PLEKHG4B: variants seen among roughly 807,000 people sequenced by gnomAD.
PLEKHG4B encodes the protein pleckstrin homology domain-containing family G member 4B.
In PLEKHG4B, 111 loss-of-function variants were observed where a neutral mutation model predicts 121.3. The observed-to-expected ratio is 0.92, with a 90% CI of 0.78 to 1.07. The LOEUF (loss-of-function observed/expected upper bound fraction) is 1.07. PLEKHG4B is among the 50% of genes least tolerant of loss of function. PLEKHG4B has a pLI of 0.00. For synonymous variants in PLEKHG4B, 738 were observed against 725.0 expected (o/e 1.02, Z -0.29); for missense variants, 1,831 against 1,757.8 (o/e 1.04, Z -0.74).
Position 144,830 on chromosome 5 carries a change from A to G in PLEKHG4B, c.1815A>G (p.Lys605=). Residue 605 remains lysine (K), a synonymous_variant, in exon 6 of 20, where the codon AAA becomes AAG. Transcript: ENST00000637938. ...TGGGCTGTCTTTCCCTCCCCAGGAA[A>G]GAGGTCCGGGACCTGGGGCTGGTTG... The part of the protein sequence containing the change: ...LLLYFHSIPR[K]EVRDLGLVVL... 1 of 1,612,938 alleles carries G rather than the reference A, an allele frequency of 6.2e-7. No individual in the cohort carries two copies. Among genetic ancestry groups the G allele is most frequent in the South Asian group, 1.1e-5 (1 of 91,046 alleles).
intron 13 of PLEKHG4B, among the ~76,000 whole-genome samples, chr5:167,843 C>T (rs1261765638): frequency 1.3e-5 from 2 of 152,242 alleles, no homozygotes; most frequent in African/African-American, 4.8e-5. Flanking sequence ...GCCTAAGCGT[C>T]CTGCATTTGT....
At chr5:173,161 G>A in intron 17 of PLEKHG4B, 94 bp downstream of exon 17, 2 of 1,280,610 alleles carry the variant, frequency 1.6e-6, no homozygotes, top group Middle Eastern at 2.3e-4. Flanking sequence ...CAGAGGAACT[G>A]GGAGGGAGTG....
intron 18 of PLEKHG4B, among the ~76,000 whole-genome samples, chr5:178,051 G>GT (rs1194604441): frequency 6.6e-6 from 1 of 152,116 alleles, no homozygotes; most frequent in African/African-American, 2.4e-5. Flanking sequence ...TTGGGGGAAC[G>GT]TGAGGATGCC....
chr5:93,193 A>G (rs1007779769), intron 1 of PLEKHG4B, among the ~76,000 whole-genome samples: 3 of 152,188 alleles, frequency 2.0e-5, no homozygotes, highest in African/African-American at 7.2e-5. Flanking sequence ...GATACTTTTG[A>G]CTGAGCCTTA....
intron 13 of PLEKHG4B, 50 bp downstream of exon 13, chr5:163,598 G>C (rs917294974): frequency 7.0e-7 from 1 of 1,419,334 alleles, no homozygotes; most frequent in Non-Finnish European, 9.3e-7. Context: ...TGGGGATCTA[G>C]AAACCCAAAG....
chr5:94,241 C>T (rs1192684287), intron 1 of PLEKHG4B, among the ~76,000 whole-genome samples: 4 of 152,338 alleles, frequency 2.6e-5, no homozygotes, highest in African/African-American at 7.2e-5. Context: ...CTGTGCCCTG[C>T]GGCAGCGGTT....
In PLEKHG4B at chr5:151,125, C is replaced by T. The variant is rs111308095; in HGVS notation, c.1906-388C>T. ...TCTAGAAAAGGCAAGTCGGTGGAGA[C>T]GAAAGCAGGTCAGTGGTTGCCAGGG... On this transcript the variant is annotated intron_variant, in intron 6 of 19. Transcript: ENST00000637938. Among the ~76,000 whole-genome samples the T allele has an allele frequency of 7.9e-3, 1,198 of 152,242 alleles. 22 individuals carry two copies. Among genetic ancestry groups the T allele is most frequent in the African/African-American group, 0.028 (1,143 of 41,534 alleles).
chr5:115,111 C>G (rs1262942176), intron 2 of PLEKHG4B, among the ~76,000 whole-genome samples: 2 of 152,234 alleles, frequency 1.3e-5, no homozygotes, highest in Admixed American at 1.3e-4. Flanking sequence ...CTTAAAAAGA[C>G]TTGAAAGTCA....
rs774532028 is a variant in PLEKHG4B at position 143,055 on chromosome 5, G to C, written c.1486G>C (p.Ala496Pro). 2.5e-6 allele frequency: 4 copies of C among 1,613,292 alleles called. No homozygotes were observed. Among genetic ancestry groups the C allele is most frequent in the Admixed American group, 1.7e-5 (1 of 60,026 alleles). ...PGCTKEEDVL[A>P]SSACVSTDGG... is the part of the protein sequence containing the mutation. ...CTCTTTCCTTTGTCCAGACGTTCTT[G>C]CATCCTCAGCCTGTGTCAGCACAGA... is the stretch of plus-strand genomic sequence containing the variant. Residue 496 changes from alanine (A) to proline (P), a missense_variant, in exon 4 of 20, where the codon GCA becomes CCA. Ala to Pro is a conservative substitution (Grantham distance 27, BLOSUM62 -1). Transcript: ENST00000637938.
intron 2 of PLEKHG4B, among the ~76,000 whole-genome samples, chr5:120,386 C>T (rs1037702863): frequency 6.6e-6 from 1 of 152,158 alleles, no homozygotes; most frequent in Non-Finnish European, 1.5e-5. Context: ...AGTTCTTATT[C>T]CAGACTCCCC....
Position 169,603 on chromosome 5 carries a change from G to T in PLEKHG4B, c.3729+11G>T, listed in dbSNP as rs767583607. ...AGTTTCCTGAGACACGTAAGTGCAGGCCATGGCGTGGGTGCCGGGCAACGT... is the reference window on the plus strand; with the variant it reads ...AGTTTCCTGAGACACGTAAGTGCAGTCCATGGCGTGGGTGCCGGGCAACGT... On this transcript the variant is annotated intron_variant, in intron 14 of 19. Transcript: ENST00000637938. 6.2e-7 allele frequency: 1 copy of T among 1,610,838 alleles called. No homozygotes were observed. The highest frequency in any genetic ancestry group is 8.5e-7 in the Non-Finnish European group (1 of 1,179,386).
intron 9 of PLEKHG4B, 32 bp downstream of exon 9, chr5:155,475 T>G (rs752158670): frequency 1.9e-6 from 3 of 1,548,690 alleles, no homozygotes; most frequent in South Asian, 2.2e-5. Context: ...TAAGTTCATT[T>G]CATGTGACAG....
chr5:162,255 T>A (rs550571611), intron 12 of PLEKHG4B, among the ~76,000 whole-genome samples: 25 of 149,454 alleles, frequency 1.7e-4, no homozygotes, highest in African/African-American at 4.5e-4. Context: ...AGCAGACTGC[T>A]CGCCTGCGAG....
At chr5:150,141 CA>C (rs1560930794) in intron 6 of PLEKHG4B, among the ~76,000 whole-genome samples, 1 of 152,048 alleles carries the variant, frequency 6.6e-6, no homozygotes, top group East Asian at 1.9e-4. Flanking sequence ...AATGGATAAG[CA>C]AAATGTGGCC....
rs1203002321 is a variant in PLEKHG4B at position 162,788 on chromosome 5, A to G, written c.2716A>G (p.Arg906Gly). The change falls in exon 13 of 20, where the codon AGG (arginine) becomes GGG (glycine). Residue 906 changes from arginine to glycine, a missense_variant. Physicochemically the swap from Arg to Gly is moderately radical, Grantham distance 125 (BLOSUM62 -2). Transcript: ENST00000637938. ...CPSSPVAECL[R>G]SCHQEATSVA... The stretch of plus-strand genomic sequence containing the variant: ...CTCCTCACCCGTGGCTGAGTGTTTG[A>G]GGAGCTGTCACCAGGAGGCTACCTC... 70 of 1,488,924 alleles carry G rather than the reference A, an allele frequency of 4.7e-5. No homozygotes were observed. The highest frequency in any genetic ancestry group is 6.2e-5 in the Non-Finnish European group (69 of 1,121,160). The allele number at this position is 1,488,924 out of a possible 1,614,324, so 92.2% of individuals were successfully genotyped here.
intron 1 of PLEKHG4B, among the ~76,000 whole-genome samples, chr5:104,555 C>A (rs115519963): frequency 0.016 from 2,454 of 152,290 alleles, 75 homozygotes; most frequent in African/African-American, 0.056. Flanking sequence ...AAATAATTTT[C>A]TTCATCGCAA....
At position 163,430 on chromosome 5, in the gene PLEKHG4B, G is replaced by C. The variant is rs571677752; in HGVS notation, c.3358G>C (p.Glu1120Gln). 3 of 1,613,032 alleles carry C rather than the reference G, an allele frequency of 1.9e-6. No homozygotes were observed. Among genetic ancestry groups the C allele is most frequent in the South Asian group, 2.2e-5 (2 of 91,090 alleles). Residue 1120 changes from glutamate (E) to glutamine (Q), a missense_variant, in exon 13 of 20, where the codon GAG (glutamate) becomes CAG (glutamine). Glu to Gln is a conservative substitution (Grantham distance 29). Coordinates refer to ENST00000637938, the MANE Select transcript of PLEKHG4B (RefSeq NM_052909.5). ...GLEVTSTVAT[E>Q]KKLPLWQHAR... is the part of the protein sequence containing the mutation. ...GGAGGTAACCAGCACTGTAGCCACA[G>C]AGAAGAAGCTCCCGCTGTGGCAGCA...
intron 6 of PLEKHG4B, among the ~76,000 whole-genome samples, chr5:145,809 C>T (rs528256150): frequency 2.2e-4 from 34 of 152,082 alleles, no homozygotes; most frequent in African/African-American, 5.3e-4. Flanking sequence ...AGGGAGGGGA[C>T]GGGGACAGAA....
At chr5:92,446 G>A (rs1324470178) in intron 1 of PLEKHG4B, among the ~76,000 whole-genome samples, 170 bp downstream of exon 1, 1 of 120,658 alleles carries the variant, frequency 8.3e-6, no homozygotes, top group Non-Finnish European at 1.8e-5. Context: ...CGGGAGTAGG[G>A]GCGGGTGGGG....
Sources: allele counts gnomAD v4.1 joint callset (sites outside exome capture counted in the v4.1 genomes callset), GRCh38; gene constraint gnomAD v4.1.1; transcripts MANE v1.5; gene names NCBI Gene and HGNC (gene_info 2026-07-23, HGNC 2026-07-21).